The following TMEM184B variants were observed in gnomAD, a reference collection of about 807,000 sequenced individuals.
The protein encoded by TMEM184B is putative MAPK-activating protein FM08.
TMEM184B carries 17 observed loss-of-function variants against 41.8 expected under a neutral mutation model. The observed-to-expected ratio is 0.41, with a 90% confidence interval of 0.28 to 0.61. The LOEUF is 0.61. Ranked by LOEUF, TMEM184B falls within the 20% of genes least tolerant of loss-of-function variation. The probability of loss-of-function intolerance (pLI) is 0.34; values close to 1 mark genes in which losing one functional copy is unlikely to be tolerated. For synonymous variants in TMEM184B, 240 were observed against 229.5 expected (o/e 1.05, Z -0.41); for missense variants, 393 against 557.8 (o/e 0.70, Z 2.98).
Position 38,226,841 on chromosome 22 carries a change from T to G in TMEM184B, c.555A>C (p.Pro185=), listed in dbSNP as rs1487107178. 3.7e-6 allele frequency: 6 copies of G among 1,602,284 alleles called. No homozygotes were observed. The highest frequency in any genetic ancestry group is 4.3e-6 in the Non-Finnish European group (5 of 1,174,692). Residue 185 remains proline (P), a synonymous_variant, in exon 6 of 9, where the codon CCA becomes CCC. Transcript: ENST00000361906. The surrounding 1 kb of genome is among the most constrained non-coding windows in gnomAD (Gnocchi z 4.6). The part of the protein sequence containing the change: ...QATLQFCVVK[P]LMAVSTVVLQ... ...GGACCACAGTGCTGACCGCCATGAGTGGCTTCACCACACAGAACTGCAGGG... is the reference window on the plus strand; with the variant it reads ...GGACCACAGTGCTGACCGCCATGAGGGGCTTCACCACACAGAACTGCAGGG...
chr22:38,222,103 G>T, intron 8 of TMEM184B: 1 of 224,382 alleles, frequency 4.5e-6, no homozygotes, highest in Admixed American at 5.2e-5. Flanking sequence ...GAAGCCAGGG[G>T]TGCCCGGTTC....
chr22:38,240,908 A>C (rs764488629), intron 3 of TMEM184B, among the ~76,000 whole-genome samples: 23 of 152,222 alleles, frequency 1.5e-4, no homozygotes, highest in Non-Finnish European at 2.6e-4. Flanking sequence ...CTTGAATACC[A>C]ATCAAATACA....
rs570674858 is a variant in TMEM184B, at chr22:38,229,215, C to T, written c.525+1454G>A. Among the ~76,000 whole-genome samples, 16 of 152,312 alleles carry T rather than the reference C, an allele frequency of 1.1e-4. No homozygotes were observed. The East Asian group carries it at 2.9e-3, about 28-fold the overall frequency. ...CATGTACTTTCGTGACTACTCTTGGCGAAGCTGGAGGGGCTGACATGACAG... is the reference window on the plus strand; with the variant it reads ...CATGTACTTTCGTGACTACTCTTGGTGAAGCTGGAGGGGCTGACATGACAG... On this transcript the variant is annotated intron_variant, in intron 5 of 8. Transcript: ENST00000361906.
In TMEM184B at chr22:38,226,272, GGTTTCACCAT is replaced by G. The variant is rs1312038980; in HGVS notation, c.617+497_617+506del. 1.3e-5 allele frequency: 2 copies of G among 152,208 alleles called. No homozygotes were observed. The highest frequency in any genetic ancestry group is 4.9e-5 in the African/African-American group (2 of 40,898). The allele number at this position is 152,208 out of a possible 1,614,324, so 9.4% of individuals were successfully genotyped here. A position where few individuals can be genotyped will look rare whatever the true frequency, so the allele number is the denominator to read the frequency against. On this transcript the variant is annotated intron_variant, in intron 6 of 8. Transcript: ENST00000361906. This position sits in a 1 kb window ranked among gnomAD's most constrained non-coding sequence, Gnocchi z 4.6. ...TTTTTTGTATTTTTAGTAGTGATGGGGTTTCACCATGTTGGCCAGGCTGGTCTTGAACTCC... is the reference window on the plus strand; with the variant it reads ...TTTTTTGTATTTTTAGTAGTGATGGGGTTGGCCAGGCTGGTCTTGAACTCC...
intron 1 of TMEM184B, among the ~76,000 whole-genome samples, chr22:38,252,961 T>A (rs1211104627): frequency 6.9e-6 from 1 of 145,838 alleles, no homozygotes; most frequent in Non-Finnish European, 1.5e-5. Flanking sequence ...GCTAACATGG[T>A]GAAACCCCAT....
chr22:38,249,800 C>G (rs1253355198), intron 1 of TMEM184B, among the ~76,000 whole-genome samples: 1 of 152,240 alleles, frequency 6.6e-6, no homozygotes, highest in African/African-American at 2.4e-5. Context: ...ATGGGGCGGC[C>G]CTTTCAGTAC....
downstream of TMEM184B, chr22:38,216,540 A>G (rs1042735579): frequency 7.3e-6 from 1 of 136,338 alleles, no homozygotes; most frequent in Non-Finnish European, 1.6e-5. Flanking sequence ...TTTTTTGGCG[A>G]GGGGTGTCTA....
intron 3 of TMEM184B, 39 bp downstream of exon 3, chr22:38,245,896 G>T (rs1602437626): frequency 1.9e-6 from 1 of 536,180 alleles, no homozygotes. Flanking sequence ...CAGCCCCCCA[G>T]CCCCCCGCCA....
chr22:38,221,973 C>A, intron 8 of TMEM184B: 1 of 538,116 alleles, frequency 1.9e-6, no homozygotes. Context: ...GGGCTGGCTG[C>A]AGGGAAGGGA....
At chr22:38,263,952 G>A (rs906447337) in intron 1 of TMEM184B, among the ~76,000 whole-genome samples, 1 of 152,128 alleles carries the variant, frequency 6.6e-6, no homozygotes, top group Non-Finnish European at 1.5e-5. Flanking sequence ...TTACAGGTGC[G>A]TGTCACCACG....
Position 38,221,037 on chromosome 22 carries a change from AG to A in TMEM184B, c.*431del, listed in dbSNP as rs2091241990. The A allele has an allele frequency of 9.9e-7, 1 of 1,010,278 alleles. No individual in the cohort carries two copies. Among genetic ancestry groups the A allele is most frequent in the African/African-American group, 1.7e-5 (1 of 57,798 alleles). 62.6% of individuals were successfully genotyped at this position (1,010,278 alleles called of 1,614,324 possible). ...GGAGGGATGCAGGCGGGAAGAGCCC[AG>A]GTCAGACAGGGTATTGCACGGTGTG... On this transcript the variant is annotated 3_prime_UTR_variant, in exon 9 of 9. Transcript: ENST00000361906.
intron 3 of TMEM184B, among the ~76,000 whole-genome samples, chr22:38,236,609 G>T (rs976216006): frequency 6.6e-6 from 1 of 151,894 alleles, no homozygotes; most frequent in Non-Finnish European, 1.5e-5. Flanking sequence ...TCAGCCTCCT[G>T]AGTAGCTGGG....
At position 38,221,571 on chromosome 22, in the gene TMEM184B, G is replaced by A. The variant is rs749017406; in HGVS notation, c.1122C>T (p.Pro374=). The A allele has an allele frequency of 1.2e-6, 2 of 1,614,032 alleles. No homozygotes were observed. Among genetic ancestry groups the A allele is most frequent in the Non-Finnish European group, 1.7e-6 (2 of 1,179,980 alleles). The change falls in exon 9 of 9, where the codon CCC becomes CCT. Residue 374 remains proline (P), a synonymous_variant. Coordinates refer to ENST00000361906, the MANE Select transcript of TMEM184B (RefSeq NM_012264.5). ...YTQQSTLEPG[P]TWRGGAHGLS... Reference sequence around the variant, plus strand: ...GGCCGTGGGCGCCACCACGCCAGGTGGGCCCAGGCTCCAGGGTGGACTGCT... The same window carrying A: ...GGCCGTGGGCGCCACCACGCCAGGTAGGCCCAGGCTCCAGGGTGGACTGCT...
intron 3 of TMEM184B, among the ~76,000 whole-genome samples, chr22:38,233,255 C>T (rs896073415): frequency 1.7e-4 from 26 of 152,184 alleles, no homozygotes; most frequent in African/African-American, 4.8e-4. Flanking sequence ...GCACTGACCA[C>T]GCCTTGTTGT....
chr22:38,241,277 T>C (rs1216091791), intron 3 of TMEM184B, among the ~76,000 whole-genome samples: 4 of 152,216 alleles, frequency 2.6e-5, no homozygotes, highest in Non-Finnish European at 2.9e-5. Flanking sequence ...TGTTTTGTTT[T>C]GTTTTTTAAA....
chr22:38,263,536 T>C (rs1176671221), intron 1 of TMEM184B, among the ~76,000 whole-genome samples: 1 of 152,188 alleles, frequency 6.6e-6, no homozygotes, highest in Non-Finnish European at 1.5e-5. Flanking sequence ...AGACGGGCCA[T>C]GGTTTGTTCA....
At chr22:38,263,474 A>C (rs2092400238) in intron 1 of TMEM184B, among the ~76,000 whole-genome samples, 1 of 152,166 alleles carries the variant, frequency 6.6e-6, no homozygotes, top group Non-Finnish European at 1.5e-5. Flanking sequence ...AATCCGGCAC[A>C]GTGCGTTGAG....
chr22:38,218,253 T>A (rs2091174033), downstream of TMEM184B, among the ~76,000 whole-genome samples: 1 of 152,168 alleles, frequency 6.6e-6, no homozygotes, highest in Non-Finnish European at 1.5e-5. Flanking sequence ...TGCCAGCCCT[T>A]CTGGGGCACC....
intron 5 of TMEM184B, 33 bp downstream of exon 5, chr22:38,230,636 C>T (rs777065984): frequency 6.3e-7 from 1 of 1,594,332 alleles, no homozygotes; most frequent in South Asian, 1.1e-5. Context: ...CGCCCTGCTC[C>T]TCCTGAGCTA....
Sources: allele counts gnomAD v4.1 joint callset (sites outside exome capture counted in the v4.1 genomes callset), GRCh38; gene constraint gnomAD v4.1.1; non-coding constraint Gnocchi (gnomAD v3.1); transcripts MANE v1.5; gene names NCBI Gene and HGNC (gene_info 2026-07-23, HGNC 2026-07-21).